Variants in PCNT observed in about 807,000 individuals in gnomAD.
PCNT encodes kendrin.
A neutral mutation model predicts 380.4 loss-of-function variants in PCNT; 319 were observed. The ratio of observed to expected loss-of-function variants is 0.84; its 90% CI spans 0.77 to 0.92. The LOEUF (loss-of-function observed/expected upper bound fraction) is 0.92, where lower values mean the gene tolerates loss of function less well. PCNT is among the 40% of genes least tolerant of loss of function. The pLI is 0.00. For missense variants in PCNT, 4,400 were observed against 4,255.3 expected (o/e 1.03, Z -0.95); for synonymous variants, 1,845 against 1,735.2 (o/e 1.06, Z -1.57).
chr21:46,377,212 T>C lies in PCNT; in HGVS notation c.3166-4482T>C, dbSNP rs145462510. On this transcript the variant is annotated intron_variant, in intron 15 of 46. Coordinates refer to ENST00000359568, the MANE Select transcript of PCNT (RefSeq NM_006031.6). Reference sequence around the variant, plus strand: ...GTTGACGTCTTCCTCCTCCTGAAGCTGGTGGAGCCCCAGCCCTCAGCCCTC... The same window carrying C: ...GTTGACGTCTTCCTCCTCCTGAAGCCGGTGGAGCCCCAGCCCTCAGCCCTC... 2.4e-4 allele frequency among the ~76,000 whole-genome samples: 37 copies of C among 152,304 alleles called. No homozygotes were observed. The East Asian group carries it at 6.8e-3, about 28-fold the overall frequency.
chr21:46,443,986 G>A lies in PCNT; in HGVS notation c.9839+38G>A, dbSNP rs773579291. On this transcript the variant is annotated intron_variant, in intron 45 of 46. Transcript: ENST00000359568. ...CCTTCAGGCCCCGTCTCCTGCCAGG[G>A]CTCTCCCTCCAGCCTACATAGGGCC... The A allele has an allele frequency of 3.7e-6, 6 of 1,602,616 alleles. No individual in the cohort carries two copies. The South Asian group carries it at 6.6e-5, about 18-fold the overall frequency.
At position 46,416,490 on chromosome 21, in the gene PCNT, C is replaced by T. The variant is rs587784315; in HGVS notation, c.6572C>T (p.Ser2191Phe). 6.2e-7 allele frequency: 1 copy of T among 1,614,084 alleles called. No individual in the cohort carries two copies. The highest frequency in any genetic ancestry group is 1.7e-5 in the Admixed American group (1 of 60,022). ...TCAGAATGTCAGGACATGTCTCTTT[C>T]TTCACCGACCAGCGTACTTGGTGGC... The part of the protein sequence containing the change: ...EKSECQDMSL[S>F]SPTSVLGGSR... The change falls in exon 30 of 47, where the codon TCT becomes TTT. Residue 2191 changes from serine to phenylalanine, a missense_variant. Ser to Phe is a radical substitution (Grantham distance 155). Transcript: ENST00000359568.
intron 3 of PCNT, among the ~76,000 whole-genome samples, chr21:46,341,045 G>A (rs192948855): frequency 4.4e-5 from 6 of 137,500 alleles, no homozygotes; most frequent in East Asian, 4.4e-4. Flanking sequence ...CACCATATCC[G>A]GCTGATTTTT....
Position 46,355,487 on chromosome 21 carries a change from A to C in PCNT, c.1797A>C (p.Glu599Asp), listed in dbSNP as rs1257983149. 38 of 1,614,086 alleles carry C rather than the reference A, an allele frequency of 2.4e-5. No individual in the cohort carries two copies. Among genetic ancestry groups the C allele is most frequent in the Non-Finnish European group, 3.1e-5 (36 of 1,180,022 alleles). ...SLPRFQAELE[E>D]SHRHQLEALE... ...CACGCTTCCAGGCGGAGTTAGAAGA[A>C]AGCCACAGGCACCAGCTGGAAGCGC... is the stretch of plus-strand genomic sequence containing the variant. The change falls in exon 12 of 47, where the codon GAA becomes GAC. Residue 599 changes from glutamate (E) to aspartate (D), a missense_variant. Coordinates refer to ENST00000359568, the MANE Select transcript of PCNT (RefSeq NM_006031.6).
intron 15 of PCNT, among the ~76,000 whole-genome samples, chr21:46,374,660 A>G (rs183248191): frequency 7.2e-4 from 109 of 152,182 alleles, no homozygotes; most frequent in African/African-American, 2.4e-3. Flanking sequence ...GACCAGCCTG[A>G]CCAACACAGA....
intron 1 of PCNT, chr21:46,325,086 G>T: frequency 1.0e-6 from 1 of 985,508 alleles, no homozygotes; most frequent in Non-Finnish European, 1.2e-6. Context: ...AAAAGCGCTC[G>T]GTTTGATGGC....
At chr21:46,361,643 T>G (rs886736759) in intron 13 of PCNT, among the ~76,000 whole-genome samples, 21 of 152,216 alleles carry the variant, frequency 1.4e-4, no homozygotes, top group Non-Finnish European at 2.1e-4. Context: ...GGCCTTATAC[T>G]TGCCATTTCT....
chr21:46,346,138 A>G lies in PCNT; in HGVS notation c.650A>G (p.Gln217Arg). ...GCCTTTTTTCCCCAGGAGTGTGAAC[A>G]AGAATGTGAACTTGCCATTACTGAC... ...QRGMFTKECE[Q>R]ECELAITDLE... is the part of the protein sequence containing the mutation. Residue 217 changes from glutamine (Q) to arginine (R), a missense_variant, in exon 4 of 47, where the codon CAA becomes CGA. Transcript: ENST00000359568. 7 of 1,614,196 alleles carry G rather than the reference A, an allele frequency of 4.3e-6. No homozygotes were observed. The highest frequency in any genetic ancestry group is 5.9e-6 in the Non-Finnish European group (7 of 1,180,016).
At chr21:46,441,514 G>C (rs75191985) in intron 43 of PCNT, among the ~76,000 whole-genome samples, 7,212 of 152,238 alleles carry the variant, frequency 0.047, 223 homozygotes, top group Non-Finnish European at 0.064. Context: ...TCCTTTCAGA[G>C]ACCAGGTGCC....
In PCNT at chr21:46,389,313, G is replaced by T; in HGVS notation, c.3722G>T (p.Ser1241Ile). 1 of 1,614,268 alleles carries T rather than the reference G, an allele frequency of 6.2e-7. No individual in the cohort carries two copies. Among genetic ancestry groups the T allele is most frequent in the Non-Finnish European group, 8.5e-7 (1 of 1,180,046 alleles). ...VAEISSHMRE[S>I]FLMSPESVRE... ...GAAATTAGCAGCCACATGCGTGAAA[G>T]CTTTCTCATGAGCCCAGAAAGTGTG... Residue 1241 changes from serine (S) to isoleucine (I), a missense_variant, in exon 19 of 47, where the codon AGC (serine) becomes ATC (isoleucine). Ser to Ile is a moderately radical substitution (Grantham distance 142). Transcript: ENST00000359568.
At chr21:46,398,491 T>C (rs551264575) in intron 24 of PCNT, among the ~76,000 whole-genome samples, 1 of 152,380 alleles carries the variant, frequency 6.6e-6, no homozygotes, top group South Asian at 2.1e-4. Flanking sequence ...TGGCACGTGG[T>C]TCCCCAGAGG....
intron 33 of PCNT, 98 bp downstream of exon 33, chr21:46,426,069 C>CCTT: frequency 6.5e-6 from 2 of 306,148 alleles, no homozygotes; most frequent in Non-Finnish European, 1.1e-5. Context: ...GGATTTCTTT[C>CCTT]TTTTTTTTTT....
intron 29 of PCNT, among the ~76,000 whole-genome samples, chr21:46,414,400 GGGACACACATCTGTCCACCCTC>G (rs2086925446): frequency 1.4e-5 from 2 of 141,654 alleles, no homozygotes. Context: ...CTTCTCCTCT[GGGACACACATCTGTCCACCCTC>G]CTCCTCCTCC....
chr21:46,377,947 G>A (rs967076685), intron 15 of PCNT, among the ~76,000 whole-genome samples: 1 of 152,050 alleles, frequency 6.6e-6, no homozygotes, highest in Non-Finnish European at 1.5e-5. Flanking sequence ...ACCTGTGGGC[G>A]TCCTACGTAC....
chr21:46,337,668 C>T lies in PCNT; in HGVS notation c.639+2900C>T, dbSNP rs145080004. 3.1e-3 allele frequency among the ~76,000 whole-genome samples: 479 copies of T among 152,286 alleles called. 6 individuals are homozygous for T. The highest frequency in any genetic ancestry group is 0.011 in the African/African-American group (461 of 41,542). Reference sequence around the variant, plus strand: ...CGCGATCTCGGCTCTCCGCAATCTCCGCTTCCCGGATTCAAGCGATTCTCC... The same window carrying T: ...CGCGATCTCGGCTCTCCGCAATCTCTGCTTCCCGGATTCAAGCGATTCTCC... On this transcript the variant is annotated intron_variant, in intron 3 of 46. Transcript: ENST00000359568.
chr21:46,347,657 G>A (rs1042682687), intron 6 of PCNT, 145 bp downstream of exon 6: 5 of 767,840 alleles, frequency 6.5e-6, no homozygotes, highest in African/African-American at 1.7e-5. Flanking sequence ...AGTGTATTGC[G>A]TTCTTTGTTT....
chr21:46,437,119 C>T (rs2053481471), intron 40 of PCNT, 38 bp downstream of exon 40: 2 of 1,458,536 alleles, frequency 1.4e-6, no homozygotes, highest in East Asian at 2.3e-5. Flanking sequence ...GGCCTGGCTC[C>T]TCCCCCAGAG....
chr21:46,434,677 C>T (rs895144256), intron 38 of PCNT, among the ~76,000 whole-genome samples: 3 of 152,236 alleles, frequency 2.0e-5, no homozygotes, highest in Admixed American at 1.3e-4. Context: ...GGCCTGTGCC[C>T]CCGTCCTGCA....
At chr21:46,397,776 C>G (rs958067124) in intron 22 of PCNT, among the ~76,000 whole-genome samples, 4 of 143,446 alleles carry the variant, frequency 2.8e-5, no homozygotes, top group Non-Finnish European at 4.6e-5. Context: ...TGCTGCAGCT[C>G]TCACTGGTTC....
Sources: allele counts gnomAD v4.1 joint callset (sites outside exome capture counted in the v4.1 genomes callset), GRCh38; gene constraint gnomAD v4.1.1; transcripts MANE v1.5; gene names NCBI Gene and HGNC (gene_info 2026-07-23, HGNC 2026-07-21).